The following DLG2 variants were observed in gnomAD, a reference collection of about 807,000 sequenced individuals.
DLG2 encodes discs large MAGUK scaffold protein 2.
DLG2 carries 45 observed loss-of-function variants against 132.5 expected under a neutral mutation model. The ratio of observed to expected loss-of-function variants is 0.34; its 90% CI spans 0.27 to 0.44. The LOEUF is 0.44. Ranked by LOEUF, DLG2 falls within the 20% of genes least tolerant of loss-of-function variation. The probability of loss-of-function intolerance (pLI) is 1.00; values close to 1 mark genes in which losing one functional copy is unlikely to be tolerated. For synonymous variants in DLG2, 424 were observed against 419.6 expected, an observed-to-expected ratio of 1.01 and a Z score of -0.13; for missense variants, 1,045 against 1,196.9, an observed-to-expected ratio of 0.87 and a Z score of 1.87.
intron 17 of DLG2, among the ~76,000 whole-genome samples, chr11:83,808,093 C>A (rs527802935): frequency 1.7e-3 from 253 of 152,234 alleles, no homozygotes; most frequent in Non-Finnish European, 3.1e-3. Context: ...CCGGTCATCA[C>A]AATGGGCCAC....
At chr11:85,441,470 T>C (rs1470169666) in intron 3 of DLG2, among the ~76,000 whole-genome samples, 1 of 152,240 alleles carries the variant, frequency 6.6e-6, no homozygotes, top group African/African-American at 2.4e-5. Context: ...GTTAAGGTCC[T>C]GATTATCTTT....
chr11:84,331,901 C>A (rs2098461434), intron 7 of DLG2, among the ~76,000 whole-genome samples: 1 of 152,134 alleles, frequency 6.6e-6, no homozygotes, highest in Non-Finnish European at 1.5e-5. Context: ...GGTGTTGGGT[C>A]CGAGACATCC....
chr11:84,442,092 G>T (rs1162435538), intron 7 of DLG2, among the ~76,000 whole-genome samples: 1 of 152,090 alleles, frequency 6.6e-6, no homozygotes, highest in East Asian at 1.9e-4. Flanking sequence ...GATTTTCTCG[G>T]CTATACAGGC....
At chr11:84,578,468 T>C (rs1391727414) in intron 6 of DLG2, among the ~76,000 whole-genome samples, 3 of 152,184 alleles carry the variant, frequency 2.0e-5, no homozygotes, top group Non-Finnish European at 4.4e-5. Context: ...GTGACCTGGA[T>C]GTGAGACCTG....
intron 3 of DLG2, among the ~76,000 whole-genome samples, chr11:85,567,159 C>T (rs1214048711): frequency 6.6e-6 from 1 of 152,112 alleles, no homozygotes; most frequent in African/African-American, 2.4e-5. Context: ...ATTTGAGACG[C>T]CCTCATAATT....
intron 3 of DLG2, among the ~76,000 whole-genome samples, chr11:85,376,797 T>C (rs568864909): frequency 6.6e-6 from 1 of 152,252 alleles, no homozygotes; most frequent in Admixed American, 6.5e-5. Context: ...GTAAACAGAC[T>C]GTGGTATGAT....
At chr11:84,746,599 G>C (rs902321059) in intron 6 of DLG2, among the ~76,000 whole-genome samples, 11 of 152,292 alleles carry the variant, frequency 7.2e-5, no homozygotes, top group African/African-American at 2.4e-4. Flanking sequence ...AGAAGGCAGA[G>C]TCCAATGAGT....
chr11:83,791,322 G>C lies in DLG2; in HGVS notation c.1723-4530C>G, dbSNP rs185913161. 4.8e-4 allele frequency: 321 copies of C among 670,822 alleles called. 5 individuals carry two copies. The Middle Eastern group carries it at 7.0e-3, about 15-fold the overall frequency. 41.6% of individuals were successfully genotyped at this position (670,822 alleles called of 1,614,324 possible). ...CCGCCTTGCCTTTTGGCTTCTGTTT[G>C]GCAGAAAGCTGCCTTTTTAACGTAT... On this transcript the variant is annotated intron_variant, in intron 17 of 27. Coordinates refer to ENST00000376104, the MANE Select transcript of DLG2 (RefSeq NM_001142699.3).
In DLG2 at chr11:85,380,871, C is replaced by G. The variant is rs1320745579; in HGVS notation, c.41-95506G>C. Among the ~76,000 whole-genome samples the G allele has an allele frequency of 2.6e-5, 4 of 152,146 alleles. No homozygotes were observed. The East Asian group carries it at 5.8e-4, about 22-fold the overall frequency. ...CTAAACATTTAAGTCATCCAGTTGT[C>G]CAATCAGAGAAGATCCCCTGAAGCA... On this transcript the variant is annotated intron_variant, in intron 3 of 27. Transcript: ENST00000376104.
At chr11:85,368,823 A>C (rs1185379936) in intron 3 of DLG2, among the ~76,000 whole-genome samples, 1 of 152,240 alleles carries the variant, frequency 6.6e-6, no homozygotes. Flanking sequence ...CAGCCTGCCC[A>C]CTGCGGTGGA....
At chr11:83,935,346 G>A (rs932506408) in intron 14 of DLG2, among the ~76,000 whole-genome samples, 2 of 152,202 alleles carry the variant, frequency 1.3e-5, no homozygotes, top group African/African-American at 4.8e-5. Flanking sequence ...TAGCTCTTAA[G>A]GGTGGGATTT....
At chr11:84,279,447 C>G (rs1407526086) in intron 7 of DLG2, among the ~76,000 whole-genome samples, 1 of 152,188 alleles carries the variant, frequency 6.6e-6, no homozygotes, top group Non-Finnish European at 1.5e-5. Flanking sequence ...ACCCAGCAAT[C>G]CCATTACTCG....
chr11:85,401,552 T>C (rs996918947), intron 3 of DLG2, among the ~76,000 whole-genome samples: 4 of 152,114 alleles, frequency 2.6e-5, no homozygotes, highest in African/African-American at 4.8e-5. Flanking sequence ...TCAAATTGTC[T>C]CTGTTTGCAG....
chr11:84,082,113 A>T (rs1402323659), intron 10 of DLG2, among the ~76,000 whole-genome samples: 1 of 152,142 alleles, frequency 6.6e-6, no homozygotes, highest in Non-Finnish European at 1.5e-5. Context: ...TGGCTGCATA[A>T]ATGTCTTGAA....
At chr11:83,537,303 A>G (rs1382291246) in intron 20 of DLG2, among the ~76,000 whole-genome samples, 1 of 152,162 alleles carries the variant, frequency 6.6e-6, no homozygotes, top group Admixed American at 6.5e-5. Context: ...GGCTTGGAGC[A>G]TTGGACAGTG....
intron 17 of DLG2, among the ~76,000 whole-genome samples, chr11:83,828,098 C>G (rs568741725): frequency 6.6e-6 from 1 of 152,248 alleles, no homozygotes; most frequent in South Asian, 2.1e-4. Flanking sequence ...CTTCAGGACC[C>G]TCCATCTTCA....
intron 19 of DLG2, among the ~76,000 whole-genome samples, chr11:83,613,391 G>A (rs951275147): frequency 6.6e-6 from 1 of 152,122 alleles, no homozygotes; most frequent in Non-Finnish European, 1.5e-5. Flanking sequence ...CATTTTCAAA[G>A]GGACCTCATG....
In DLG2 at chr11:84,898,071, T is replaced by C. The variant is rs537308652; in HGVS notation, c.357+213590A>G. On this transcript the variant is annotated intron_variant, in intron 6 of 27. Coordinates refer to ENST00000376104, the MANE Select transcript of DLG2 (RefSeq NM_001142699.3). ...ACTCAGTGTGAAAAATAATTTTAAG[T>C]TGAAAATATGGCTTCACTTTGCAAA... 3.5e-4 allele frequency among the ~76,000 whole-genome samples: 53 copies of C among 151,934 alleles called. 1 individual carries two copies. The highest frequency in any genetic ancestry group is 7.4e-4 in the Non-Finnish European group (50 of 67,848).
chr11:83,519,044 G>C (rs997321426), intron 21 of DLG2, among the ~76,000 whole-genome samples: 1 of 152,160 alleles, frequency 6.6e-6, no homozygotes, highest in East Asian at 1.9e-4. Flanking sequence ...ACAGTGCAGA[G>C]AGAGCAGCCA....
Sources: gnomAD v4.1 joint callset for allele counts (sites outside exome capture counted in the v4.1 genomes callset) on GRCh38, gnomAD v4.1.1 for gene constraint, MANE v1.5 for transcripts, NCBI Gene and HGNC (gene_info 2026-07-23, HGNC 2026-07-21) for gene names.